Variants in GPAT2 observed in about 807,000 individuals in gnomAD.
GPAT2 encodes the protein 1-acylglycerol-3-phosphate O-acyltransferase GPAT2.
GPAT2 carries 51 observed loss-of-function variants against 71.0 expected under a neutral mutation model. That is an observed-to-expected ratio of 0.72 (90% CI 0.57 to 0.91). The LOEUF (loss-of-function observed/expected upper bound fraction) is 0.91, where lower values mean the gene tolerates loss of function less well. Ranked by LOEUF, GPAT2 falls within the 40% of genes least tolerant of loss-of-function variation. GPAT2 has a pLI of 0.00. For synonymous variants in GPAT2, 222 were observed against 290.3 expected (o/e 0.76, Z 2.39); for missense variants, 511 against 666.0 (o/e 0.77, Z 2.56).
In GPAT2 at chr2:96,023,352, CTA is replaced by C; in HGVS notation, c.2001_2002del (p.Asp667GlufsTer2). ...AGCCTCTCCGAAGTCATCACTGTCA[CTA>C]TCAGTAAAGTCCCCACTCGGTTTCC... On this transcript the variant is annotated frameshift_variant, in exon 18 of 22. Transcript: ENST00000434632. LOFTEE classifies it high-confidence loss of function. The C allele has an allele frequency of 6.2e-7, 1 of 1,614,226 alleles. No individual in the cohort carries two copies. Among genetic ancestry groups the C allele is most frequent in the Non-Finnish European group, 8.5e-7 (1 of 1,180,030 alleles).
In GPAT2 at chr2:96,025,618, C is replaced by T. The variant is rs1558685662; in HGVS notation, c.1239-15G>A. Reference sequence around the variant, plus strand: ...GGACAGCAGTACTGAGATAGAGACACAGATTACAGGATGAAGGGTCCAAAC... The same window carrying T: ...GGACAGCAGTACTGAGATAGAGACATAGATTACAGGATGAAGGGTCCAAAC... On this transcript the variant is annotated splice_polypyrimidine_tract_variant and intron_variant, in intron 12 of 21. Transcript: ENST00000434632. 2 of 1,547,838 alleles carry T rather than the reference C, an allele frequency of 1.3e-6. No individual in the cohort carries two copies. Among genetic ancestry groups the T allele is most frequent in the Admixed American group, 2.1e-5 (1 of 46,554 alleles).
chr2:96,024,971 G>A, intron 13 of GPAT2, 128 bp from the exon 14 acceptor site: 1 of 1,066,816 alleles, frequency 9.4e-7, no homozygotes, highest in South Asian at 1.3e-5. Context: ...CGTACACCCG[G>A]AGCAGTGGTG....
chr2:96,022,737 A>T lies in GPAT2; in HGVS notation c.2234-14T>A. Reference sequence around the variant, plus strand: ...GGTCCGCACACTCTGGAAAGAAGAGAGAAGTGAAGGCTCTAGGTAGGGAGA... The same window carrying T: ...GGTCCGCACACTCTGGAAAGAAGAGTGAAGTGAAGGCTCTAGGTAGGGAGA... On this transcript the variant is annotated splice_polypyrimidine_tract_variant and intron_variant, in intron 20 of 21. Transcript: ENST00000434632. 1.2e-6 allele frequency: 2 copies of T among 1,613,976 alleles called. No homozygotes were observed. The highest frequency in any genetic ancestry group is 1.7e-6 in the Non-Finnish European group (2 of 1,179,852).
intron 13 of GPAT2, 99 bp downstream of exon 13, chr2:96,025,386 T>A: frequency 6.9e-7 from 1 of 1,440,994 alleles, no homozygotes; most frequent in South Asian, 1.5e-5. Flanking sequence ...GCACCTCAGG[T>A]GCAGACACTT....
At chr2:96,025,254 T>C (rs1209074533) in intron 13 of GPAT2, 6 of 596,686 alleles carry the variant, frequency 1.0e-5, no homozygotes, top group Non-Finnish European at 8.7e-6. Flanking sequence ...TGCAGCCTCC[T>C]GGCCTCAGGC....
In GPAT2 at chr2:96,024,532, G is replaced by C; in HGVS notation, c.1582C>G (p.Arg528Gly). The C allele has an allele frequency of 1.2e-6, 2 of 1,613,886 alleles. No homozygotes were observed. The highest frequency in any genetic ancestry group is 4.5e-5 in the East Asian group (2 of 44,882). Reference sequence around the variant, plus strand: ...GGCACCACCAGCAAGTCACCCTGACGGATGCGCAGCAGGGCCACGTGCGCC... The same window carrying C: ...GGCACCACCAGCAAGTCACCCTGACCGATGCGCAGCAGGGCCACGTGCGCC... ...LRAHVALLRI[R>G]QGDLLVVPQP... Residue 528 changes from arginine to glycine, a missense_variant, in exon 15 of 22, where the codon CGT (arginine) becomes GGT (glycine). Physicochemically the swap from Arg to Gly is moderately radical, Grantham distance 125 (BLOSUM62 -2). Around this residue, in one of 7 missense-constraint regions of GPAT2, gnomAD observed 295 missense variants for 305.5 expected, o/e 0.97. Coordinates refer to ENST00000434632, the MANE Select transcript of GPAT2 (RefSeq NM_001321527.2).
In GPAT2 at chr2:96,024,299, G is replaced by A; in HGVS notation, c.1726C>T (p.Pro576Ser). 6.4e-7 allele frequency: 1 copy of A among 1,560,914 alleles called. No homozygotes were observed. Among genetic ancestry groups the A allele is most frequent in the South Asian group, 1.2e-5 (1 of 83,048 alleles). Residue 576 changes from proline to serine, a missense_variant, in exon 16 of 22, where the codon CCC becomes TCC. Pro to Ser is a moderately conservative substitution (Grantham distance 74, BLOSUM62 -1). Around this residue, in one of 7 missense-constraint regions of GPAT2, gnomAD observed 295 missense variants for 305.5 expected, o/e 0.97. Transcript: ENST00000434632. Reference sequence around the variant, plus strand: ...CCCTGCAGCTCCCAGGGCCCCTGGGGCGGCACTCTGCCTGCCAGCAGCCCC... The same window carrying A: ...CCCTGCAGCTCCCAGGGCCCCTGGGACGGCACTCTGCCTGCCAGCAGCCCC... ...VRGLLAGRVPPQGPWELQGIL... is the reference protein window; with the variant it reads ...VRGLLAGRVPSQGPWELQGIL...
intron 1 of GPAT2, among the ~76,000 whole-genome samples, chr2:96,033,978 C>T (rs1440762720): frequency 6.6e-6 from 1 of 151,554 alleles, no homozygotes; most frequent in Non-Finnish European, 1.5e-5. Context: ...TATACACACA[C>T]ATATATACAT....
At position 96,022,258 on chromosome 2, in the gene GPAT2, C is replaced by T. The variant is rs763614668; in HGVS notation, c.2307G>A (p.Pro769=). The T allele has an allele frequency of 1.5e-5, 24 of 1,600,120 alleles. No homozygotes were observed. The highest frequency in any genetic ancestry group is 1.9e-4 in the Middle Eastern group (1 of 5,190). ...GGTGGAGCCTGGGGCCTGCAGGGCT[C>T]GGCGTCTGCTGCAGAACCTGGGCCA... ...FRDLGVLQQT[P]SPAGPRLHLS... is the part of the protein sequence containing the mutation. The change falls in exon 22 of 22, where the codon CCG becomes CCA. Residue 769 remains proline (P), a synonymous_variant. Transcript: ENST00000434632.
At chr2:96,022,871 G>A in intron 20 of GPAT2, 87 bp downstream of exon 20, 4 of 1,612,288 alleles carry the variant, frequency 2.5e-6, no homozygotes, top group East Asian at 4.5e-5. Flanking sequence ...CCTTCCTAGA[G>A]TTGGGTTGTC....
chr2:96,022,561 C>G lies in GPAT2; in HGVS notation c.2289+107G>C. The G allele has an allele frequency of 2.5e-6, 3 of 1,183,356 alleles. No individual in the cohort carries two copies. In the East Asian group the frequency reaches 7.0e-5, roughly 28 times the overall value. The allele number at this position is 1,183,356 out of a possible 1,614,324, so 73.3% of individuals were successfully genotyped here. ...AAATCCCAGGGTCTTAATGAGGCAC[C>G]ATCAGGCCAGCCCTGTGGAGTGATG... On this transcript the variant is annotated intron_variant, in intron 21 of 21. Transcript: ENST00000434632.
At chr2:96,022,821 T>A in intron 20 of GPAT2, 98 bp from the exon 21 acceptor site, 1 of 1,613,236 alleles carries the variant, frequency 6.2e-7, no homozygotes, top group South Asian at 1.1e-5. Flanking sequence ...CAGGGAGGGA[T>A]AGAGCTCTGA....
Position 96,024,572 on chromosome 2 carries a change from T to A in GPAT2, c.1542A>T (p.Ser514=). Reference sequence around the variant, plus strand: ...CCACGTGCGCCCGCAGCAGGCTCAGTGAGTGCTGCAGCAGGCTCCGCAGCT... The same window carrying A: ...CCACGTGCGCCCGCAGCAGGCTCAGAGAGTGCTGCAGCAGGCTCCGCAGCT... ...SGQLRSLLQH[S]LSLLRAHVAL... The change falls in exon 15 of 22, where the codon TCA becomes TCT. Residue 514 remains serine (S), a synonymous_variant. Coordinates refer to ENST00000434632, the MANE Select transcript of GPAT2 (RefSeq NM_001321527.2). 1 of 1,613,684 alleles carries A rather than the reference T, an allele frequency of 6.2e-7. No homozygotes were observed. The highest frequency in any genetic ancestry group is 8.5e-7 in the Non-Finnish European group (1 of 1,179,876).
At position 96,022,669 on chromosome 2, in the gene GPAT2, C is replaced by T. The variant is rs1679814159; in HGVS notation, c.2288G>A (p.Gly763Glu). Residue 763 changes from glycine (G) to glutamate (E), a missense_variant and splice_region_variant, in exon 21 of 22, where the codon GGG (glycine) becomes GAG (glutamate). Physicochemically the swap from Gly to Glu is moderately conservative, Grantham distance 98. Transcript: ENST00000434632. ...GATGGTGACAGTGGCTCCTCTCACC[C>T]CTAGGTCTCTGAAGGTCCAGACAGC... ...ISAVWTFRDL[G>E]VLQQTPSPAG... 1 of 1,613,854 alleles carries T rather than the reference C, an allele frequency of 6.2e-7. No homozygotes were observed. The highest frequency in any genetic ancestry group is 1.3e-5 in the African/African-American group (1 of 74,916).
rs529239070 is a variant in GPAT2 at position 96,022,922 on chromosome 2, G to A, written c.2233+36C>T. ...GCAGCAGCCACCAGCAAACACCACT[G>A]CCTGCAGGAGCCTGGGCTGACTGGT... On this transcript the variant is annotated intron_variant, in intron 20 of 21. Coordinates refer to ENST00000434632, the MANE Select transcript of GPAT2 (RefSeq NM_001321527.2). 7 of 1,613,550 alleles carry A rather than the reference G, an allele frequency of 4.3e-6. No homozygotes were observed. In the Admixed American group the frequency reaches 1.0e-4, roughly 23 times the overall value.
Position 96,023,937 on chromosome 2 carries a change from G to C in GPAT2, c.1900C>G (p.Leu634Val). 1 of 1,602,770 alleles carries C rather than the reference G, an allele frequency of 6.2e-7. No homozygotes were observed. Among genetic ancestry groups the C allele is most frequent in the Non-Finnish European group, 8.5e-7 (1 of 1,175,076 alleles). Residue 634 changes from leucine to valine, a missense_variant, in exon 17 of 22, where the codon CTG becomes GTG. Transcript: ENST00000434632. ...VLDRLIQCGL[L>V]VAEETPGSRP... The stretch of plus-strand genomic sequence containing the variant: ...GCCCTGCCTACCTCCTCAGCAACCA[G>C]GAGCCCGCATTGGATGAGCCGGTCC...
chr2:96,022,644 G>A (rs1191397953), intron 21 of GPAT2, 24 bp downstream of exon 21: 2 of 1,612,334 alleles, frequency 1.2e-6, no homozygotes, highest in Non-Finnish European at 8.5e-7. Context: ...GGGGACAGAA[G>A]ATGGTGACAG....
rs533179942 is a variant in GPAT2, at chr2:96,022,243, G to A, written c.2322C>T (p.Pro774=). 6.2e-7 allele frequency: 1 copy of A among 1,605,862 alleles called. No homozygotes were observed. The highest frequency in any genetic ancestry group is 2.2e-5 in the East Asian group (1 of 44,822). The change falls in exon 22 of 22, where the codon CCC becomes CCT. Residue 774 remains proline, a synonymous_variant. Coordinates refer to ENST00000434632, the MANE Select transcript of GPAT2 (RefSeq NM_001321527.2). ...VLQQTPSPAG[P]RLHLSPTFAS... Reference sequence around the variant, plus strand: ...CAAAAGTAGGGGACAGGTGGAGCCTGGGGCCTGCAGGGCTCGGCGTCTGCT... The same window carrying A: ...CAAAAGTAGGGGACAGGTGGAGCCTAGGGCCTGCAGGGCTCGGCGTCTGCT...
rs755996484 is a variant in GPAT2, at chr2:96,026,244, C to T, written c.1094G>A (p.Arg365His). The T allele has an allele frequency of 2.9e-5, 46 of 1,610,296 alleles. No homozygotes were observed. Among genetic ancestry groups the T allele is most frequent in the Middle Eastern group, 1.8e-4 (1 of 5,484 alleles). The change falls in exon 11 of 22, where the codon CGC becomes CAC. Residue 365 changes from arginine (R) to histidine (H), a missense_variant. This residue lies in a region of GPAT2 where 79 missense variants were observed against 111.4 expected (regional missense o/e 0.71). Transcript: ENST00000434632. ...ALAVLRSLWS[R>H]WGCSHRICSR... ...GCAGATCCGGTGGCTGCAGCCCCAG[C>T]GGCTCCACAAGCTACGTAGGACAGC...
Sources: allele counts gnomAD v4.1 joint callset (sites outside exome capture counted in the v4.1 genomes callset), GRCh38; gene constraint gnomAD v4.1.1; regional missense constraint gnomAD v4.1.1; transcripts MANE v1.5; gene names NCBI Gene and HGNC (gene_info 2026-07-23, HGNC 2026-07-21).